The following LRRC20 variants were observed in gnomAD, a reference collection of about 807,000 sequenced individuals.
LRRC20 encodes leucine-rich repeat-containing protein 20.
A neutral mutation model predicts 14.4 loss-of-function variants in LRRC20; 11 were observed. The ratio of observed to expected loss-of-function variants is 0.77; its 90% CI spans 0.48 to 1.27. The LOEUF (loss-of-function observed/expected upper bound fraction) is 1.27, where lower values mean the gene tolerates loss of function less well. Ranked by LOEUF, LRRC20 falls within the 50% of genes most tolerant of loss-of-function variation. The pLI is 0.00. For synonymous variants in LRRC20, 121 were observed against 107.3 expected, an observed-to-expected ratio of 1.13 and a Z score of -0.79; for missense variants, 219 against 251.2, an observed-to-expected ratio of 0.87 and a Z score of 0.87.
At position 70,299,724 on chromosome 10, in the gene LRRC20, C is replaced by G. The variant is rs938051913; in HGVS notation, c.*1630G>C. On this transcript the variant is annotated 3_prime_UTR_variant, in exon 5 of 5. Transcript: ENST00000446961. ...TTCAGCCCCCACTTGCCCCCAACAC[C>G]CACAGATGAACTCGGTAGCTCTGGA... 1 of 153,110 alleles carries G rather than the reference C, an allele frequency of 6.5e-6. No individual in the cohort carries two copies. The highest frequency in any genetic ancestry group is 1.5e-5 in the Non-Finnish European group (1 of 68,804). 9.5% of individuals were successfully genotyped at this position (153,110 alleles called of 1,614,324 possible).
At chr10:70,302,270 A>G (rs897737228) in intron 4 of LRRC20, among the ~76,000 whole-genome samples, 1 of 152,042 alleles carries the variant, frequency 6.6e-6, no homozygotes, top group Non-Finnish European at 1.5e-5. Flanking sequence ...GGGAAATCGC[A>G]CCACTGCACT....
At chr10:70,347,334 A>G (rs1589098688) in intron 2 of LRRC20, among the ~76,000 whole-genome samples, 1 of 152,218 alleles carries the variant, frequency 6.6e-6, no homozygotes, top group East Asian at 1.9e-4. Flanking sequence ...CACAGTAGGG[A>G]GAGAAAGTGC....
rs117242234 is a variant in LRRC20 at position 70,300,640 on chromosome 10, C to T, written c.*714G>A. ...ACGGAGCACTCAGGACTTCCCACCC[C>T]GCCAATTTGTTAACTGTGGGGAATG... On this transcript the variant is annotated 3_prime_UTR_variant, in exon 5 of 5. Coordinates refer to ENST00000446961, the MANE Select transcript of LRRC20 (RefSeq NM_001278212.2). The T allele has an allele frequency of 0.011, 11,011 of 985,592 alleles. 60 individuals are homozygous for T. The highest frequency in any genetic ancestry group is 0.013 in the Non-Finnish European group (10,387 of 830,048). 61.1% of individuals were successfully genotyped at this position (985,592 alleles called of 1,614,324 possible).
chr10:70,300,463 C>T lies in LRRC20; in HGVS notation c.*891G>A. 1.0e-6 allele frequency: 1 copy of T among 985,534 alleles called. No homozygotes were observed. The highest frequency in any genetic ancestry group is 1.2e-6 in the Non-Finnish European group (1 of 830,016). The allele number at this position is 985,534 out of a possible 1,614,324, so 61.0% of individuals were successfully genotyped here. A position where few individuals can be genotyped will look rare whatever the true frequency, so the allele number is the denominator to read the frequency against. ...CCCGTGGTCCACATCGCCTTCTGCC[C>T]CCAGGAGGCCATGACAAGGCAGCCA... is the stretch of plus-strand genomic sequence containing the variant. On this transcript the variant is annotated 3_prime_UTR_variant, in exon 5 of 5. Transcript: ENST00000446961.
At chr10:70,310,701 G>C (rs918054879) in intron 4 of LRRC20, among the ~76,000 whole-genome samples, 2 of 152,206 alleles carry the variant, frequency 1.3e-5, no homozygotes, top group Non-Finnish European at 2.9e-5. Context: ...AGACCACCCT[G>C]AGCTGGGCAA....
intron 2 of LRRC20, among the ~76,000 whole-genome samples, chr10:70,354,656 T>A (rs1843456336): frequency 1.3e-5 from 2 of 152,160 alleles, no homozygotes; most frequent in African/African-American, 4.8e-5. Context: ...GTAATGACAG[T>A]AACTGAGTGC....
intron 3 of LRRC20, among the ~76,000 whole-genome samples, chr10:70,335,237 C>T (rs1331503167): frequency 6.6e-6 from 1 of 152,242 alleles, no homozygotes; most frequent in East Asian, 1.9e-4. Context: ...AACTTCTCAA[C>T]TCCACATTGC....
At position 70,368,843 on chromosome 10, in the gene LRRC20, G is replaced by A. The variant is rs925133130; in HGVS notation, c.82+7609C>T. Among the ~76,000 whole-genome samples the A allele has an allele frequency of 2.4e-4, 37 of 152,038 alleles. 1 individual carries two copies. Among genetic ancestry groups the A allele is most frequent in the Non-Finnish European group, 8.8e-5 (6 of 68,022 alleles). ...TCACCGTGTTGCCCAGGCTGGTCTC[G>A]AACTCCTGGCCTCAGGCAATCTGCC... On this transcript the variant is annotated intron_variant, in intron 2 of 4. Transcript: ENST00000446961.
At chr10:70,319,983 C>A (rs2136933262) in intron 4 of LRRC20, among the ~76,000 whole-genome samples, 1 of 152,258 alleles carries the variant, frequency 6.6e-6, no homozygotes, top group Non-Finnish European at 1.5e-5. Flanking sequence ...GCCCCTTGAC[C>A]CACTCTGCTT....
intron 2 of LRRC20, among the ~76,000 whole-genome samples, chr10:70,353,925 T>C (rs1843423357): frequency 6.6e-6 from 1 of 152,202 alleles, no homozygotes; most frequent in Middle Eastern, 3.2e-3. Context: ...GCAGTTCCCA[T>C]GGAACTATAT....
In LRRC20 at chr10:70,300,380, A is replaced by C; in HGVS notation, c.*974T>G. ...CCTAAGATGCCAGGTTGAGGGCCTCAGAAGAACCAGGTCATCAGGGCTTTG... is the reference window on the plus strand; with the variant it reads ...CCTAAGATGCCAGGTTGAGGGCCTCCGAAGAACCAGGTCATCAGGGCTTTG... On this transcript the variant is annotated 3_prime_UTR_variant, in exon 5 of 5. Coordinates refer to ENST00000446961, the MANE Select transcript of LRRC20 (RefSeq NM_001278212.2). 2 of 985,486 alleles carry C rather than the reference A, an allele frequency of 2.0e-6. No homozygotes were observed. Among genetic ancestry groups the C allele is most frequent in the Non-Finnish European group, 2.4e-6 (2 of 829,954 alleles). 61.0% of individuals were successfully genotyped at this position (985,486 alleles called of 1,614,324 possible).
chr10:70,370,271 C>T (rs867981452), intron 2 of LRRC20, among the ~76,000 whole-genome samples: 1 of 152,196 alleles, frequency 6.6e-6, no homozygotes, highest in Non-Finnish European at 1.5e-5. Context: ...CACACTCAGG[C>T]ACCTGACCAA....
At position 70,313,868 on chromosome 10, in the gene LRRC20, A is replaced by G. The variant is rs1022519505; in HGVS notation, c.400+9995T>C. 2.0e-5 allele frequency among the ~76,000 whole-genome samples: 3 copies of G among 152,234 alleles called. No individual in the cohort carries two copies. In the East Asian group the frequency reaches 5.8e-4, roughly 29 times the overall value. On this transcript the variant is annotated intron_variant, in intron 4 of 4. Transcript: ENST00000446961. ...TTCAGACTCTGCATTCTGATAAACC[A>G]GCTGGCACCACCTGGACCGGTATAT...
At chr10:70,369,766 A>G (rs1478731095) in intron 2 of LRRC20, among the ~76,000 whole-genome samples, 1 of 152,142 alleles carries the variant, frequency 6.6e-6, no homozygotes, top group East Asian at 1.9e-4. Context: ...CAAACTGTTT[A>G]CCACGATGCC....
At chr10:70,338,499 T>C (rs1180035240) in intron 3 of LRRC20, among the ~76,000 whole-genome samples, 1 of 152,250 alleles carries the variant, frequency 6.6e-6, no homozygotes, top group Non-Finnish European at 1.5e-5. Flanking sequence ...TTCCCTTTCA[T>C]GGGGAGACCA....
intron 2 of LRRC20, among the ~76,000 whole-genome samples, chr10:70,343,585 T>C (rs1842986457): frequency 6.6e-6 from 1 of 152,180 alleles, no homozygotes; most frequent in Non-Finnish European, 1.5e-5. Flanking sequence ...AAAGTCAGGC[T>C]TTCAGAAGAG....
chr10:70,300,637 C>T lies in LRRC20; in HGVS notation c.*717G>A. ...GGGACGGAGCACTCAGGACTTCCCA[C>T]CCCGCCAATTTGTTAACTGTGGGGA... On this transcript the variant is annotated 3_prime_UTR_variant, in exon 5 of 5. Coordinates refer to ENST00000446961, the MANE Select transcript of LRRC20 (RefSeq NM_001278212.2). 1 of 985,620 alleles carries T rather than the reference C, an allele frequency of 1.0e-6. No individual in the cohort carries two copies. Among genetic ancestry groups the T allele is most frequent in the South Asian group, 4.7e-5 (1 of 21,300 alleles). The allele number at this position is 985,620 out of a possible 1,614,324, so 61.1% of individuals were successfully genotyped here. A position where few individuals can be genotyped will look rare whatever the true frequency, so the allele number is the denominator to read the frequency against.
intron 2 of LRRC20, among the ~76,000 whole-genome samples, chr10:70,354,252 A>G (rs1843440636): frequency 6.6e-6 from 1 of 152,046 alleles, no homozygotes. Flanking sequence ...GGTGACTCTA[A>G]CGTGCAGCCA....
intron 2 of LRRC20, among the ~76,000 whole-genome samples, chr10:70,365,585 G>A (rs1843955220): frequency 6.6e-6 from 1 of 152,172 alleles, no homozygotes; most frequent in Admixed American, 6.5e-5. Context: ...CAGCTACTCT[G>A]GAAGCTGAAA....
Sources: gnomAD v4.1 joint callset for allele counts (sites outside exome capture counted in the v4.1 genomes callset) on GRCh38, gnomAD v4.1.1 for gene constraint, MANE v1.5 for transcripts, NCBI Gene and HGNC (gene_info 2026-07-23, HGNC 2026-07-21) for gene names.